POM121: variants seen among roughly 807,000 people sequenced by gnomAD.
POM121 encodes POM121 transmembrane nucleoporin.
Under a neutral mutation model 81.3 loss-of-function variants are expected in POM121, and 32 were observed. That is an observed-to-expected ratio of 0.39 (90% CI 0.30 to 0.53). POM121 has a LOEUF of 0.53. Among genes scored for constraint, POM121 ranks in the 20% least tolerant of loss-of-function variants. The pLI, the probability that POM121 is intolerant of heterozygous loss-of-function variation, is 0.66. For missense variants in POM121, 1,138 were observed against 1,614.6 expected, an observed-to-expected ratio of 0.70 and a Z score of 5.06; for synonymous variants, 514 against 694.2, an observed-to-expected ratio of 0.74 and a Z score of 4.08.
chr7:72,910,966 T>C (rs1563144792), intron 3 of POM121, among the ~76,000 whole-genome samples: 1 of 152,150 alleles, frequency 6.6e-6, no homozygotes, highest in Non-Finnish European at 1.5e-5. Context: ...GTTTGATTGA[T>C]TGGATCGTTG....
chr7:72,936,596 G>A (rs1343983201), intron 5 of POM121, among the ~76,000 whole-genome samples: 15 of 152,080 alleles, frequency 9.9e-5, no homozygotes, highest in Non-Finnish European at 1.6e-4. Context: ...ATTTCTAGAA[G>A]AGATGAGGTT....
At chr7:72,944,739 G>A (rs1308508611) in intron 11 of POM121, among the ~76,000 whole-genome samples, 2 of 151,602 alleles carry the variant, frequency 1.3e-5, no homozygotes, top group African/African-American at 4.8e-5. Context: ...CAGGAGATTC[G>A]GGAGCCGGAG....
At chr7:72,928,827 G>C (rs1227065533) in intron 4 of POM121, among the ~76,000 whole-genome samples, 6 of 152,322 alleles carry the variant, frequency 3.9e-5, no homozygotes, top group Admixed American at 2.6e-4. Flanking sequence ...GGAAGAATTG[G>C]GTGGAAAGGA....
At chr7:72,949,084 A>C (rs139392020), downstream of POM121, 220 of 1,612,790 alleles carry the variant, frequency 1.4e-4, 7 homozygotes, top group African/African-American at 2.7e-3. Flanking sequence ...GGGCTCCTCC[A>C]GCTGTCTGCT....
chr7:72,913,498 CCA>C (rs1794000517), intron 3 of POM121, among the ~76,000 whole-genome samples: 3 of 152,184 alleles, frequency 2.0e-5, no homozygotes, highest in Admixed American at 1.3e-4. Context: ...CCCACTGTCA[CCA>C]GTTTGGGAGC....
chr7:72,906,410 G>C (rs563328636), intron 3 of POM121, among the ~76,000 whole-genome samples: 3 of 152,354 alleles, frequency 2.0e-5, no homozygotes, highest in Non-Finnish European at 2.9e-5. Flanking sequence ...GAATTGGGGA[G>C]TGTTGGCTGG....
intron 3 of POM121, among the ~76,000 whole-genome samples, chr7:72,908,636 G>T (rs1554493818): frequency 6.6e-6 from 1 of 152,126 alleles, no homozygotes; most frequent in Non-Finnish European, 1.5e-5. Context: ...TCCCTTATCT[G>T]CAACCGTAAA....
In POM121 at chr7:72,926,405, A is replaced by G. The variant is rs367944164; in HGVS notation, c.788A>G (p.Asn263Ser). 7.5e-4 allele frequency: 1,213 copies of G among 1,613,732 alleles called. 3 individuals are homozygous for G. Among genetic ancestry groups the G allele is most frequent in the Non-Finnish European group, 5.5e-4 (651 of 1,179,804 alleles). Residue 263 changes from asparagine to serine, a missense_variant, in exon 2 of 13, where the codon AAC (asparagine) becomes AGC (serine). Asn to Ser is a conservative substitution (Grantham distance 46). Around this residue, in one of 7 missense-constraint regions of POM121, gnomAD observed 646 missense variants for 633.5 expected, o/e 1.02. Coordinates refer to ENST00000434423, the MANE Select transcript of POM121 (RefSeq NM_001387691.1). ...YHKKAVLSPRNSRMVCSPVTV... is the reference protein window; with the variant it reads ...YHKKAVLSPRSSRMVCSPVTV... ...AAGAAGGCTGTGCTGTCCCCTCGCA[A>G]CTCCAGGATGGTGTGTAGCCCAGTG...
chr7:72,934,440 A>G (rs1447150503), intron 5 of POM121, among the ~76,000 whole-genome samples: 2 of 152,200 alleles, frequency 1.3e-5, no homozygotes, highest in Admixed American at 6.5e-5. Context: ...TGTTCTAGAT[A>G]CAAGCTGTCT....
chr7:72,889,718 A>G (rs551536552), intron 1 of POM121, among the ~76,000 whole-genome samples: 6 of 152,266 alleles, frequency 3.9e-5, no homozygotes, highest in African/African-American at 1.4e-4. Flanking sequence ...GGTTCTTACT[A>G]TGTTGCCCAA....
chr7:72,941,887 A>G lies in POM121; in HGVS notation c.1894A>G (p.Ser632Gly). 1 of 1,557,246 alleles carries G rather than the reference A, an allele frequency of 6.4e-7. No individual in the cohort carries two copies. Among genetic ancestry groups the G allele is most frequent in the Non-Finnish European group, 8.7e-7 (1 of 1,150,786 alleles). The change falls in exon 11 of 13, where the codon AGC becomes GGC. Residue 632 changes from serine to glycine, a missense_variant. Coordinates refer to ENST00000434423, the MANE Select transcript of POM121 (RefSeq NM_001387691.1). ...TEALSPPKTP[S>G]LLPPLGLSQS... ...GGCCCTCTCACCTCCAAAGACACCCAGCCTCCTACCCCCGCTGGGTTTATC... is the reference window on the plus strand; with the variant it reads ...GGCCCTCTCACCTCCAAAGACACCCGGCCTCCTACCCCCGCTGGGTTTATC...
chr7:72,943,144 G>A lies in POM121; in HGVS notation c.3151G>A (p.Ala1051Thr), dbSNP rs201352265. The change falls in exon 11 of 13, where the codon GCC becomes ACC. Residue 1051 changes from alanine to threonine, a missense_variant. This residue lies in a region of POM121 where 336 missense variants were observed against 344.3 expected (regional missense o/e 0.98). Coordinates refer to ENST00000434423, the MANE Select transcript of POM121 (RefSeq NM_001387691.1). ...CACGGCTTCGGCCTTCGGCGCTCCC[G>A]CCAGCTCACAGCCCGCCTTTGGCGG... Reference protein sequence around the residue: ...KATASAFGAPASSQPAFGGST... With the variant: ...KATASAFGAPTSSQPAFGGST... The A allele has an allele frequency of 8.0e-4, 1,296 of 1,613,298 alleles. 10 individuals are homozygous for A. Among genetic ancestry groups the A allele is most frequent in the East Asian group, 6.4e-3 (287 of 44,868 alleles).
downstream of POM121, chr7:72,949,831 T>G (rs1554504398): frequency 7.1e-7 from 1 of 1,402,968 alleles, no homozygotes. Context: ...CTCCTCCTCC[T>G]CCTGTGGCAC....
At chr7:72,950,205 G>A, downstream of POM121, 5 of 1,608,560 alleles carry the variant, frequency 3.1e-6, 1 homozygote, top group South Asian at 2.2e-5. Flanking sequence ...GGCTGCCAGG[G>A]AAGAACCATT....
In POM121 at chr7:72,879,737, C is replaced by T. The variant is rs1364704576; in HGVS notation, c.-669C>T. 5.1e-5 allele frequency: 24 copies of T among 471,930 alleles called. 1 individual carries two copies. The highest frequency in any genetic ancestry group is 4.3e-4 in the Admixed American group (19 of 43,786). 29.2% of individuals were successfully genotyped at this position (471,930 alleles called of 1,614,324 possible). ...AGAAGGACACCCGCCTGGATTTGCC[C>T]CGTAGGCCCGGCCCGGGCCCCTCGG... On this transcript the variant is annotated 5_prime_UTR_variant, in exon 1 of 16. Transcript: ENST00000395270.
At position 72,943,019 on chromosome 7, in the gene POM121, C is replaced by T. The variant is rs782413893; in HGVS notation, c.3026C>T (p.Pro1009Leu). ...NSAAPAAAPT[P>L]APPSMIKVVP... ...GCAGCCCCGGCTGCTGCACCCACACCTGCACCTCCGTCCATGATCAAGGTC... is the reference window on the plus strand; with the variant it reads ...GCAGCCCCGGCTGCTGCACCCACACTTGCACCTCCGTCCATGATCAAGGTC... Residue 1009 changes from proline (P) to leucine (L), a missense_variant, in exon 11 of 13, where the codon CCT (proline) becomes CTT (leucine). This residue lies in a region of POM121 where 336 missense variants were observed against 344.3 expected (regional missense o/e 0.98). Transcript: ENST00000434423. 1.7e-5 allele frequency: 28 copies of T among 1,613,754 alleles called. No individual in the cohort carries two copies. The highest frequency in any genetic ancestry group is 3.3e-4 in the Middle Eastern group (2 of 6,078).
chr7:72,939,232 T>G, intron 6 of POM121, 104 bp from the exon 7 acceptor site: 10 of 1,449,320 alleles, frequency 6.9e-6, no homozygotes, highest in South Asian at 2.6e-5. Context: ...AAATGATGGT[T>G]GTTTTAGACA....
At chr7:72,923,123 C>CT (rs1399340599), upstream of POM121, among the ~76,000 whole-genome samples, 1 of 148,774 alleles carries the variant, frequency 6.7e-6, no homozygotes, top group Non-Finnish European at 1.5e-5. Context: ...ACCCCCCCCC[C>CT]CTTTTTTTTT....
upstream of POM121, among the ~76,000 whole-genome samples, chr7:72,922,556 GTT>G (rs797044356): frequency 7.1e-6 from 1 of 140,062 alleles, no homozygotes; most frequent in Non-Finnish European, 1.6e-5. Context: ...AAATTTTTGT[GTT>G]TTTTTTTTTT....
Sources: allele counts gnomAD v4.1 joint callset (sites outside exome capture counted in the v4.1 genomes callset), GRCh38; gene constraint gnomAD v4.1.1; regional missense constraint gnomAD v4.1.1; transcripts MANE v1.5; gene names NCBI Gene and HGNC (gene_info 2026-07-23, HGNC 2026-07-21).